ERC2: variants seen among roughly 807,000 people sequenced by gnomAD.
ERC2 encodes the protein ELKS/RAB6-interacting/CAST family member 2, also known as ERC protein 2.
In ERC2, 42 loss-of-function variants were observed where a neutral mutation model predicts 114.8. The ratio of observed to expected loss-of-function variants is 0.37; its 90% CI spans 0.29 to 0.47. The LOEUF (loss-of-function observed/expected upper bound fraction) is 0.47, where lower values mean the gene tolerates loss of function less well. Ranked by LOEUF, ERC2 falls within the 20% of genes least tolerant of loss-of-function variation. The probability of loss-of-function intolerance (pLI) is 0.99; values close to 1 mark genes in which losing one functional copy is unlikely to be tolerated. For missense variants in ERC2, 939 were observed against 1,150.7 expected (o/e 0.82, Z 2.66); for synonymous variants, 454 against 425.5 (o/e 1.07, Z -0.82).
At chr3:55,821,682 G>C (rs1052757897) in intron 14 of ERC2, among the ~76,000 whole-genome samples, 1 of 152,104 alleles carries the variant, frequency 6.6e-6, no homozygotes, top group African/African-American at 2.4e-5. Flanking sequence ...TGTCTCACAG[G>C]GACCACCATT....
chr3:55,822,898 C>A (rs1336165450), intron 14 of ERC2, among the ~76,000 whole-genome samples: 1 of 152,172 alleles, frequency 6.6e-6, no homozygotes, highest in African/African-American at 2.4e-5. Flanking sequence ...CAGGCGTGAG[C>A]CGCCGCACCG....
At chr3:56,111,602 G>T (rs2078969603) in intron 6 of ERC2, among the ~76,000 whole-genome samples, 1 of 152,134 alleles carries the variant, frequency 6.6e-6, no homozygotes, top group South Asian at 2.1e-4. Context: ...ACAAGACAAA[G>T]CTCAGTAAGT....
At chr3:55,607,309 G>C (rs547687910) in intron 17 of ERC2, among the ~76,000 whole-genome samples, 1 of 152,296 alleles carries the variant, frequency 6.6e-6, no homozygotes, top group Admixed American at 6.5e-5. Context: ...GTCAGGGAAG[G>C]CTTCCTGGGA....
chr3:55,786,264 TA>T (rs1445324109), intron 14 of ERC2, among the ~76,000 whole-genome samples: 1 of 152,256 alleles, frequency 6.6e-6, no homozygotes, highest in East Asian at 1.9e-4. Flanking sequence ...ATGGCTTAAC[TA>T]TATATTTTAG....
chr3:55,875,801 T>A (rs549779595), intron 14 of ERC2, among the ~76,000 whole-genome samples: 3 of 151,926 alleles, frequency 2.0e-5, no homozygotes, highest in African/African-American at 7.3e-5. Context: ...AAAATTACAA[T>A]CTAGCAAGAT....
At position 55,779,852 on chromosome 3, in the gene ERC2, C is replaced by T. The variant is rs76379171; in HGVS notation, c.2565-44934G>A. 2.1e-3 allele frequency among the ~76,000 whole-genome samples: 319 copies of T among 151,934 alleles called. 11 individuals carry two copies. The South Asian group carries it at 0.054, about 26-fold the overall frequency. ...AGAATCGTGGGTCTGATTCCTACCA[C>T]GGCAAATTATCTTACAGTGTAACTG... is the stretch of plus-strand genomic sequence containing the variant. On this transcript the variant is annotated intron_variant, in intron 14 of 17. Coordinates refer to ENST00000288221, the MANE Select transcript of ERC2 (RefSeq NM_015576.3).
chr3:56,013,352 G>C (rs2073088923), intron 8 of ERC2, among the ~76,000 whole-genome samples: 1 of 152,162 alleles, frequency 6.6e-6, no homozygotes, highest in Non-Finnish European at 1.5e-5. Flanking sequence ...AGCATGCCTT[G>C]TTACAGGGGG....
chr3:56,139,575 T>C lies in ERC2; in HGVS notation c.1407A>G (p.Gln469=), dbSNP rs776657492. 3.1e-6 allele frequency: 5 copies of C among 1,613,858 alleles called. No homozygotes were observed. The East Asian group carries it at 1.1e-4, about 36-fold the overall frequency. The part of the protein sequence containing the change: ...TLSNQNSDCK[Q]HIEVLKESLT... ...GTGACTCTTTGAGCACTTCAATGTG[T>C]TGCTTGCAATCTGAATTTTGATTGC... Residue 469 remains glutamine (Q), a synonymous_variant, in exon 6 of 18, where the codon CAA becomes CAG. Transcript: ENST00000288221.
At chr3:55,753,827 C>T (rs939151276) in intron 14 of ERC2, among the ~76,000 whole-genome samples, 9 of 152,154 alleles carry the variant, frequency 5.9e-5, no homozygotes, top group South Asian at 2.1e-4. Flanking sequence ...CTAAATGCAC[C>T]AAACTTGCAA....
chr3:56,027,760 G>C (rs1311640175), intron 7 of ERC2, among the ~76,000 whole-genome samples: 1 of 151,928 alleles, frequency 6.6e-6, no homozygotes, highest in Non-Finnish European at 1.5e-5. Context: ...CAAGTCTATG[G>C]CTTGTCTTTT....
intron 3 of ERC2, among the ~76,000 whole-genome samples, chr3:56,202,409 T>C (rs942549245): frequency 6.6e-6 from 1 of 151,860 alleles, no homozygotes; most frequent in African/African-American, 2.4e-5. Flanking sequence ...TCCTAACTCA[T>C]ATGCAAGAAC....
intron 7 of ERC2, among the ~76,000 whole-genome samples, chr3:56,065,888 T>A (rs1412438996): frequency 6.6e-6 from 1 of 152,200 alleles, no homozygotes; most frequent in Non-Finnish European, 1.5e-5. Context: ...TCATTCCTTT[T>A]TATGGCTGCA....
At chr3:56,428,522 A>G (rs951375142) in intron 2 of ERC2, among the ~76,000 whole-genome samples, 26 of 132,420 alleles carry the variant, frequency 2.0e-4, no homozygotes, top group African/African-American at 7.3e-4. Flanking sequence ...CTCAGTCTCA[A>G]AAAAAGAAAG....
chr3:56,266,771 G>A (rs746110791), intron 3 of ERC2, among the ~76,000 whole-genome samples: 20 of 152,168 alleles, frequency 1.3e-4, no homozygotes, highest in African/African-American at 1.2e-4. Flanking sequence ...GGTAACAAAT[G>A]TTGGCAAGGA....
chr3:55,900,134 A>G (rs11130486), intron 13 of ERC2, among the ~76,000 whole-genome samples: 24,707 of 152,124 alleles, frequency 0.16, 2,206 homozygotes, highest in East Asian at 0.3. Flanking sequence ...GGAGAGCCCA[A>G]TTGTTGGTGA....
chr3:55,751,741 C>T (rs1335676575), intron 14 of ERC2, among the ~76,000 whole-genome samples: 1 of 152,160 alleles, frequency 6.6e-6, no homozygotes, highest in Non-Finnish European at 1.5e-5. Flanking sequence ...TCAGCAATGG[C>T]CTGGGCTCCC....
At chr3:55,832,854 C>A (rs190876127) in intron 14 of ERC2, among the ~76,000 whole-genome samples, 1,619 of 152,216 alleles carry the variant, frequency 0.011, 28 homozygotes, top group African/African-American at 0.037. Context: ...AAGTTAAAAA[C>A]TTTGAAAACA....
At chr3:56,065,797 T>C (rs1206011165) in intron 7 of ERC2, among the ~76,000 whole-genome samples, 2 of 152,036 alleles carry the variant, frequency 1.3e-5, no homozygotes, top group Non-Finnish European at 2.9e-5. Context: ...GTATATGTGG[T>C]GTTTGGTTTT....
intron 14 of ERC2, among the ~76,000 whole-genome samples, chr3:55,883,771 C>T (rs1176554017): frequency 6.6e-6 from 1 of 151,846 alleles, no homozygotes; most frequent in Non-Finnish European, 1.5e-5. Flanking sequence ...GCCTGTAGTC[C>T]CAGCAGCTCG....
Sources: allele counts gnomAD v4.1 joint callset (sites outside exome capture counted in the v4.1 genomes callset), GRCh38; gene constraint gnomAD v4.1.1; transcripts MANE v1.5; gene names NCBI Gene and HGNC (gene_info 2026-07-23, HGNC 2026-07-21).